The following SUN1 variants were observed in gnomAD, a reference collection of about 807,000 sequenced individuals.
SUN1 encodes Sad1 and UNC84 domain containing 1, also known as SUN domain-containing protein 1.
In SUN1, 61 loss-of-function variants were observed where a neutral mutation model predicts 103.2. The observed-to-expected ratio is 0.59, with a 90% CI of 0.48 to 0.73. The LOEUF is 0.73. Among genes scored for constraint, SUN1 ranks in the 30% least tolerant of loss-of-function variants. SUN1 has a pLI of 0.00. For synonymous variants in SUN1, 490 were observed against 425.7 expected (o/e 1.15, Z -1.86); for missense variants, 1,052 against 1,034.6 (o/e 1.02, Z -0.23).
rs1584805932 is a variant in SUN1 at position 849,940 on chromosome 7, A to G, written c.659-1444A>G. Reference sequence around the variant, plus strand: ...ACCTGCAGGCGACGACTGTAAGGGCAAGAGGCACCTCGACGCGCACACAGC... The same window carrying G: ...ACCTGCAGGCGACGACTGTAAGGGCGAGAGGCACCTCGACGCGCACACAGC... On this transcript the variant is annotated intron_variant, in intron 5 of 18. Coordinates refer to ENST00000401592, the MANE Select transcript of SUN1 (RefSeq NM_001130965.3). 1.9e-6 allele frequency: 3 copies of G among 1,599,468 alleles called. 1 individual carries two copies. Among genetic ancestry groups the G allele is most frequent in the East Asian group, 4.5e-5 (2 of 44,564 alleles).
At chr7:840,262 G>A (rs557803626) in intron 2 of SUN1, among the ~76,000 whole-genome samples, 3 of 152,342 alleles carry the variant, frequency 2.0e-5, no homozygotes, top group African/African-American at 7.2e-5. Context: ...CACCCTTGGA[G>A]ATGCAGGGTG....
chr7:821,905 T>C (rs1786450282), intron 1 of SUN1, among the ~76,000 whole-genome samples: 1 of 152,222 alleles, frequency 6.6e-6, no homozygotes, highest in Non-Finnish European at 1.5e-5. Context: ...CACCTTTCCC[T>C]GTGCGTATTT....
intron 1 of SUN1, among the ~76,000 whole-genome samples, chr7:835,563 C>A (rs1584347541): frequency 1.3e-5 from 2 of 152,148 alleles, no homozygotes; most frequent in East Asian, 3.8e-4. Flanking sequence ...AAATCTCAAT[C>A]TGTAATTCTT....
At chr7:839,043 T>G in intron 2 of SUN1, 57 bp downstream of exon 2, 1 of 1,451,456 alleles carries the variant, frequency 6.9e-7, no homozygotes, top group Non-Finnish European at 9.1e-7. Flanking sequence ...AAAACCAAGC[T>G]TCCATACTTT....
intron 1 of SUN1, among the ~76,000 whole-genome samples, chr7:819,701 A>C (rs946322536): frequency 3.5e-5 from 5 of 144,748 alleles, no homozygotes; most frequent in African/African-American, 1.3e-4. Context: ...TTTTATGCCA[A>C]TGCCACCCTT....
chr7:822,711 G>A (rs1787439638), intron 1 of SUN1, among the ~76,000 whole-genome samples: 1 of 152,232 alleles, frequency 6.6e-6, no homozygotes, highest in Non-Finnish European at 1.5e-5. Context: ...TGGTGTGGAT[G>A]TGTATTCCAG....
chr7:834,963 C>A (rs904176691), intron 1 of SUN1, among the ~76,000 whole-genome samples: 2 of 152,200 alleles, frequency 1.3e-5, no homozygotes, highest in Non-Finnish European at 2.9e-5. Context: ...GTAATCCCAG[C>A]TACTTGGTAG....
chr7:829,575 G>T (rs1253275404), upstream of SUN1, among the ~76,000 whole-genome samples: 2 of 143,854 alleles, frequency 1.4e-5, no homozygotes. Flanking sequence ...TTTTTTTTGA[G>T]ATGGAGTCTC....
Position 822,996 on chromosome 7 carries a change from C to T in SUN1, c.-74+6323C>T, listed in dbSNP as rs78957795. Among the ~76,000 whole-genome samples the T allele has an allele frequency of 7.6e-3, 1,160 of 152,342 alleles. 52 individuals are homozygous for T. The East Asian group carries it at 0.14, about 18-fold the overall frequency. ...CGGCCCTGTGGCCACCCGCGAATTC[C>T]CGCACGCACGTGGCCCTGTGGCCAC... On this transcript the variant is annotated intron_variant, in intron 1 of 17. Transcript: ENST00000389574.
At position 874,569 on chromosome 7, in the gene SUN1, T is replaced by C. The variant is rs1450717088; in HGVS notation, c.*1238T>C. On this transcript the variant is annotated 3_prime_UTR_variant, in exon 19 of 19. Coordinates refer to ENST00000401592, the MANE Select transcript of SUN1 (RefSeq NM_001130965.3). ...ATTGCACAACAGTCCTCAAATACAC[T>C]GATGTATGAAACTATTCATACATCA... The C allele has an allele frequency of 6.6e-6, 1 of 152,566 alleles. No individual in the cohort carries two copies. The highest frequency in any genetic ancestry group is 1.9e-4 in the East Asian group (1 of 5,204). 9.5% of individuals were successfully genotyped at this position (152,566 alleles called of 1,614,324 possible).
intron 16 of SUN1, chr7:868,492 T>TG (rs1209860371): frequency 1.7e-5 from 5 of 298,414 alleles, no homozygotes; most frequent in East Asian, 1.0e-4. Context: ...GTTGGTCGGA[T>TG]GGGGGGGCAG....
At chr7:836,168 T>A (rs993810422) in intron 1 of SUN1, among the ~76,000 whole-genome samples, 3 of 151,992 alleles carry the variant, frequency 2.0e-5, no homozygotes, top group Non-Finnish European at 4.4e-5. Flanking sequence ...CAAGCGTGTG[T>A]CTAGATGCTG....
Position 874,539 on chromosome 7 carries a change from T to C in SUN1, c.*1208T>C, listed in dbSNP as rs1008892279. 9 of 152,638 alleles carry C rather than the reference T, an allele frequency of 5.9e-5. No individual in the cohort carries two copies. Among genetic ancestry groups the C allele is most frequent in the Non-Finnish European group, 1.0e-4 (7 of 68,042 alleles). The allele number at this position is 152,638 out of a possible 1,614,324, so 9.5% of individuals were successfully genotyped here. ...AAAACGATGGTGCTGACTGGTTTTC[T>C]GTATATTGCACAACAGTCCTCAAAT... is the stretch of plus-strand genomic sequence containing the variant. On this transcript the variant is annotated 3_prime_UTR_variant, in exon 19 of 19. Transcript: ENST00000401592.
chr7:817,454 G>T (rs1261109562), intron 1 of SUN1: 1 of 1,536,146 alleles, frequency 6.5e-7, no homozygotes, highest in Admixed American at 2.0e-5. Flanking sequence ...CACTGTCACC[G>T]TCATGGGGAG....
chr7:868,390 G>GTGCTTCTC, intron 16 of SUN1: 1 of 265,556 alleles, frequency 3.8e-6, no homozygotes, highest in South Asian at 3.6e-5. Context: ...GGCCGACCTT[G>GTGCTTCTC]CCAGGCTGTG....
intron 10 of SUN1, 58 bp from the exon 11 acceptor site, chr7:854,862 G>T: frequency 7.4e-7 from 1 of 1,346,118 alleles, no homozygotes; most frequent in Middle Eastern, 1.8e-4. Flanking sequence ...GGCCTGATTT[G>T]CCAGGTTTTT....
rs779791555 is a variant in SUN1, at chr7:860,103, T to G, written c.1525-25T>G. On this transcript the variant is annotated intron_variant, in intron 13 of 18. Coordinates refer to ENST00000401592, the MANE Select transcript of SUN1 (RefSeq NM_001130965.3). Reference sequence around the variant, plus strand: ...AAGTGATTTAGTTAAAATAGGACATTTGTGTCCGTCTGCTGTTTTACTAGG... The same window carrying G: ...AAGTGATTTAGTTAAAATAGGACATGTGTGTCCGTCTGCTGTTTTACTAGG... 5.6e-6 allele frequency: 9 copies of G among 1,610,448 alleles called. No individual in the cohort carries two copies. The Admixed American group carries it at 1.3e-4, about 24-fold the overall frequency.
rs367806932 is a variant in SUN1, at chr7:842,477, T to C, written c.451+347T>C. The C allele has an allele frequency of 1.4e-4, 34 of 245,348 alleles. No individual in the cohort carries two copies. The East Asian group carries it at 1.9e-3, about 14-fold the overall frequency. The allele number at this position is 245,348 out of a possible 1,614,324, so 15.2% of individuals were successfully genotyped here. A position where few individuals can be genotyped will look rare whatever the true frequency, so the allele number is the denominator to read the frequency against. On this transcript the variant is annotated intron_variant, in intron 3 of 18. Coordinates refer to ENST00000401592, the MANE Select transcript of SUN1 (RefSeq NM_001130965.3). ...TCTGTTTTTATAAATGCATTACTTTTGTAGGATGTTTGAACAAAGACAATC... is the reference window on the plus strand; with the variant it reads ...TCTGTTTTTATAAATGCATTACTTTCGTAGGATGTTTGAACAAAGACAATC...
chr7:855,986 G>C (rs1826917038), intron 11 of SUN1, among the ~76,000 whole-genome samples: 1 of 152,342 alleles, frequency 6.6e-6, no homozygotes, highest in African/African-American at 2.4e-5. Flanking sequence ...GCGTGGTGCT[G>C]CTGCGGATGG....
Sources: gnomAD v4.1 joint callset for allele counts (sites outside exome capture counted in the v4.1 genomes callset) on GRCh38, gnomAD v4.1.1 for gene constraint, MANE v1.5 for transcripts, NCBI Gene and HGNC (gene_info 2026-07-23, HGNC 2026-07-21) for gene names.